Variants in MAP2K4 observed in about 807,000 individuals in gnomAD.
MAP2K4 encodes dual specificity mitogen-activated protein kinase kinase 4.
Under a neutral mutation model 48.5 loss-of-function variants are expected in MAP2K4, and 4 were observed. The observed-to-expected ratio is 0.08, with a 90% CI of 0.04 to 0.19. The LOEUF (loss-of-function observed/expected upper bound fraction) is 0.19, where lower values mean the gene tolerates loss of function less well. Ranked by LOEUF, MAP2K4 falls within the 10% of genes least tolerant of loss-of-function variation. The pLI is 1.00. For missense variants in MAP2K4, 258 were observed against 493.3 expected, an observed-to-expected ratio of 0.52 and a Z score of 4.52; for synonymous variants, 166 against 173.1, an observed-to-expected ratio of 0.96 and a Z score of 0.32.
At chr17:12,077,326 C>T (rs911221016) in intron 2 of MAP2K4, among the ~76,000 whole-genome samples, 8 of 152,110 alleles carry the variant, frequency 5.3e-5, no homozygotes, top group African/African-American at 1.4e-4. Flanking sequence ...TGGAGGTGTC[C>T]GGGCACTACC....
At chr17:12,022,522 G>A (rs567749016) in intron 1 of MAP2K4, among the ~76,000 whole-genome samples, 1 of 152,288 alleles carries the variant, frequency 6.6e-6, no homozygotes, top group South Asian at 2.1e-4. Context: ...TTCCAGATGG[G>A]TGACTTACAA....
chr17:12,110,621 C>CT, intron 6 of MAP2K4, 195 bp downstream of exon 6: 1 of 533,110 alleles, frequency 1.9e-6, no homozygotes, highest in Non-Finnish European at 3.3e-6. Context: ...TTCAGTCTAT[C>CT]TTAGTATGTT....
chr17:12,102,901 A>G (rs1200566258), intron 4 of MAP2K4, among the ~76,000 whole-genome samples: 1 of 150,606 alleles, frequency 6.6e-6, no homozygotes, highest in Non-Finnish European at 1.5e-5. Context: ...CCTCCCTCCC[A>G]CTTGTTTCTG....
intron 4 of MAP2K4, among the ~76,000 whole-genome samples, chr17:12,106,583 A>C (rs1239103169): frequency 6.6e-6 from 1 of 152,146 alleles, no homozygotes; most frequent in Non-Finnish European, 1.5e-5. Context: ...ATCCAAGGAT[A>C]GGATTGATTA....
At chr17:12,034,533 A>G (rs1407221490) in intron 1 of MAP2K4, among the ~76,000 whole-genome samples, 1 of 152,132 alleles carries the variant, frequency 6.6e-6, no homozygotes, top group Non-Finnish European at 1.5e-5. Flanking sequence ...GGGATTCAAC[A>G]CAGTTATTTA....
intron 7 of MAP2K4, among the ~76,000 whole-genome samples, chr17:12,117,683 G>C (rs994981667): frequency 3.9e-5 from 6 of 152,072 alleles, no homozygotes; most frequent in Non-Finnish European, 7.4e-5. Context: ...GATACCCCTA[G>C]AGAGACAGCA....
At chr17:12,090,335 GTGTGTGC>G (rs1008070394) in intron 3 of MAP2K4, among the ~76,000 whole-genome samples, 1 of 152,098 alleles carries the variant, frequency 6.6e-6, no homozygotes, top group African/African-American at 2.4e-5. Flanking sequence ...TTGGGATAAG[GTGTGTGC>G]TGACCTCTCT....
chr17:12,052,978 CA>C (rs891235109), intron 1 of MAP2K4, among the ~76,000 whole-genome samples: 1 of 152,016 alleles, frequency 6.6e-6, no homozygotes, highest in Non-Finnish European at 1.5e-5. Context: ...AGTATTAACT[CA>C]AATGTAAATC....
chr17:12,037,565 G>T (rs990326039), intron 1 of MAP2K4, among the ~76,000 whole-genome samples: 2 of 152,204 alleles, frequency 1.3e-5, no homozygotes, highest in Admixed American at 6.5e-5. Context: ...AACTGAGTTT[G>T]TCAGCAATCC....
Position 12,143,599 on chromosome 17 carries a change from T to C in MAP2K4, c.*2339T>C, listed in dbSNP as rs1973443827. The C allele has an allele frequency of 4.3e-6, 1 of 230,838 alleles. No individual in the cohort carries two copies. Among genetic ancestry groups the C allele is most frequent in the African/African-American group, 2.2e-5 (1 of 45,216 alleles). The allele number at this position is 230,838 out of a possible 1,614,324, so 14.3% of individuals were successfully genotyped here. A position where few individuals can be genotyped will look rare whatever the true frequency, so the allele number is the denominator to read the frequency against. ...AGTAACATAACTGCTTCTTGGAGCTTTGGAATATTTTATCCTGTATTCTTG... is the reference window on the plus strand; with the variant it reads ...AGTAACATAACTGCTTCTTGGAGCTCTGGAATATTTTATCCTGTATTCTTG... On this transcript the variant is annotated 3_prime_UTR_variant, in exon 11 of 11. Transcript: ENST00000353533.
chr17:12,078,460 T>C (rs1971082725), intron 2 of MAP2K4, among the ~76,000 whole-genome samples: 1 of 152,214 alleles, frequency 6.6e-6, no homozygotes, highest in Non-Finnish European at 1.5e-5. Flanking sequence ...TGTGTAATAA[T>C]CACATCGTGG....
Position 12,143,362 on chromosome 17 carries a change from T to C in MAP2K4, c.*2102T>C, listed in dbSNP as rs1973436563. On this transcript the variant is annotated 3_prime_UTR_variant, in exon 11 of 11. Transcript: ENST00000353533. ...TTAGTGTATTAATCATAGATTATTA[T>C]AAACTATAAACTTAAGGGCAAGGAG... The C allele has an allele frequency of 4.3e-6, 1 of 232,786 alleles. No individual in the cohort carries two copies. Among genetic ancestry groups the C allele is most frequent in the African/African-American group, 2.2e-5 (1 of 45,338 alleles). The allele number at this position is 232,786 out of a possible 1,614,324, so 14.4% of individuals were successfully genotyped here. A position where few individuals can be genotyped will look rare whatever the true frequency, so the allele number is the denominator to read the frequency against.
Position 12,054,799 on chromosome 17 carries a change from C to G in MAP2K4, c.116-90C>G, listed in dbSNP as rs899548262. 4.1e-6 allele frequency: 3 copies of G among 723,492 alleles called. No individual in the cohort carries two copies. In the Admixed American group the frequency reaches 7.2e-5, roughly 17 times the overall value. 44.8% of individuals were successfully genotyped at this position (723,492 alleles called of 1,614,324 possible). On this transcript the variant is annotated intron_variant, in intron 1 of 10. Coordinates refer to ENST00000353533, the MANE Select transcript of MAP2K4 (RefSeq NM_003010.4). Reference sequence around the variant, plus strand: ...TTAACTGTTTGTTAAAGCAAGTTCTCTTGCCTTTTGGTGTGACTTTCTTAT... The same window carrying G: ...TTAACTGTTTGTTAAAGCAAGTTCTGTTGCCTTTTGGTGTGACTTTCTTAT...
At chr17:12,041,091 G>A (rs1969764479) in intron 1 of MAP2K4, among the ~76,000 whole-genome samples, 1 of 152,190 alleles carries the variant, frequency 6.6e-6, no homozygotes, top group South Asian at 2.1e-4. Context: ...TGCCATTCAC[G>A]CTCTTGATTA....
chr17:12,121,226 C>A (rs951373585), intron 7 of MAP2K4, among the ~76,000 whole-genome samples: 4 of 152,040 alleles, frequency 2.6e-5, no homozygotes, highest in African/African-American at 9.7e-5. Flanking sequence ...GTATATGAAA[C>A]ATAAATAAAT....
chr17:12,129,760 A>C (rs1972967371), intron 9 of MAP2K4, among the ~76,000 whole-genome samples: 2 of 152,166 alleles, frequency 1.3e-5, no homozygotes, highest in Admixed American at 1.3e-4. Context: ...CCACACGCAA[A>C]GTGTAGTTGG....
At chr17:12,104,811 A>T (rs1427359561) in intron 4 of MAP2K4, among the ~76,000 whole-genome samples, 3 of 151,838 alleles carry the variant, frequency 2.0e-5, no homozygotes, top group African/African-American at 4.8e-5. Flanking sequence ...CTTGGGAAAA[A>T]TTTTTTTCCT....
Position 12,110,368 on chromosome 17 carries a change from T to C in MAP2K4, c.634-7T>C, listed in dbSNP as rs1972264253. On this transcript the variant is annotated splice_region_variant and splice_polypyrimidine_tract_variant and intron_variant, in intron 5 of 10. Transcript: ENST00000353533. ...TTGTTTATCCCATCTCTCCTTTTTC[T>C]CCCTAGACTGTGAAAGCACTAAACC... 2 of 1,606,206 alleles carry C rather than the reference T, an allele frequency of 1.2e-6. No homozygotes were observed. Among genetic ancestry groups the C allele is most frequent in the South Asian group, 2.2e-5 (2 of 90,568 alleles).
chr17:12,092,581 A>G (rs1971597018), intron 3 of MAP2K4, among the ~76,000 whole-genome samples: 1 of 152,150 alleles, frequency 6.6e-6, no homozygotes, highest in South Asian at 2.1e-4. Flanking sequence ...TTATTTATTG[A>G]GTTATTAAAA....
Sources: allele counts gnomAD v4.1 joint callset (sites outside exome capture counted in the v4.1 genomes callset), GRCh38; gene constraint gnomAD v4.1.1; transcripts MANE v1.5; gene names NCBI Gene and HGNC (gene_info 2026-07-23, HGNC 2026-07-21).